Variants in SLC25A21 observed in about 807,000 individuals in gnomAD.
SLC25A21 encodes the protein solute carrier family 25 member 21, also known as mitochondrial 2-oxodicarboxylate carrier.
In SLC25A21, 47 loss-of-function variants were observed where a neutral mutation model predicts 43.8. The observed-to-expected ratio is 1.07, with a 90% CI of 0.85 to 1.37. The LOEUF (loss-of-function observed/expected upper bound fraction) is 1.37. Among genes scored for constraint, SLC25A21 ranks in the 40% most tolerant of loss-of-function variants. SLC25A21 has a pLI of 0.00. For synonymous variants in SLC25A21, 131 were observed against 121.3 expected (o/e 1.08, Z -0.52); for missense variants, 352 against 350.2 (o/e 1.00, Z -0.04).
intron 1 of SLC25A21, among the ~76,000 whole-genome samples, chr14:36,958,004 A>G (rs1277053916): frequency 1.3e-5 from 2 of 152,240 alleles, no homozygotes; most frequent in Non-Finnish European, 2.9e-5. Context: ...AACATAGGAC[A>G]TGGCTGGGTT....
intron 3 of SLC25A21, among the ~76,000 whole-genome samples, chr14:36,765,758 G>C (rs712325): frequency 0.58 from 87,875 of 151,960 alleles, 25,923 homozygotes; most frequent in East Asian, 0.89. Flanking sequence ...GATCAAAGCC[G>C]TTGAACTTTC....
intron 1 of SLC25A21, among the ~76,000 whole-genome samples, chr14:36,972,644 G>C (rs577874464): frequency 5.3e-5 from 8 of 152,268 alleles, no homozygotes; most frequent in Middle Eastern, 3.4e-3. Context: ...GGTAGTAATT[G>C]ACGAGGGAGG....
intron 3 of SLC25A21, among the ~76,000 whole-genome samples, chr14:36,761,273 T>A (rs749836634): frequency 6.4e-4 from 97 of 152,310 alleles, no homozygotes; most frequent in Non-Finnish European, 1.2e-3. Flanking sequence ...CCTTTTGCTC[T>A]CCTCTTGAGG....
chr14:36,848,064 G>C (rs117143647), intron 2 of SLC25A21, among the ~76,000 whole-genome samples: 352 of 152,178 alleles, frequency 2.3e-3, no homozygotes, highest in Admixed American at 4.7e-3. Flanking sequence ...GTGCAGTGAG[G>C]GGGAGGGAAA....
At chr14:37,095,745 G>A (rs1962676713) in intron 1 of SLC25A21, among the ~76,000 whole-genome samples, 1 of 151,494 alleles carries the variant, frequency 6.6e-6, no homozygotes, top group Admixed American at 6.6e-5. Context: ...AAAAAAGTTA[G>A]CCAAGTGAGA....
intron 1 of SLC25A21, among the ~76,000 whole-genome samples, chr14:36,885,014 C>T (rs1032376379): frequency 1.3e-5 from 2 of 152,054 alleles, no homozygotes; most frequent in South Asian, 2.1e-4. Flanking sequence ...TTGCTGCCTG[C>T]GCTTTTGGGG....
chr14:36,756,309 CAT>C (rs1885925804), intron 3 of SLC25A21, among the ~76,000 whole-genome samples: 2 of 152,292 alleles, frequency 1.3e-5, no homozygotes, highest in South Asian at 2.1e-4. Flanking sequence ...TCCTTCTGCA[CAT>C]GTGTGGCCAC....
At chr14:37,136,762 G>A (rs1594811378) in intron 1 of SLC25A21, among the ~76,000 whole-genome samples, 1 of 152,086 alleles carries the variant, frequency 6.6e-6, no homozygotes, top group Non-Finnish European at 1.5e-5. Context: ...AAAGACATGG[G>A]AAACCATAAA....
intron 1 of SLC25A21, among the ~76,000 whole-genome samples, chr14:36,986,415 C>A (rs952292438): frequency 2.6e-5 from 4 of 152,116 alleles, no homozygotes; most frequent in Non-Finnish European, 5.9e-5. Context: ...ATTGGACCTC[C>A]ACTCCACTTG....
chr14:36,909,207 C>CT (rs1891617414), intron 1 of SLC25A21, among the ~76,000 whole-genome samples: 1 of 152,126 alleles, frequency 6.6e-6, no homozygotes, highest in Non-Finnish European at 1.5e-5. Flanking sequence ...AGTAGGGACA[C>CT]TTTGAGTACG....
intron 1 of SLC25A21, among the ~76,000 whole-genome samples, chr14:37,117,465 G>A (rs1487005367): frequency 6.6e-6 from 1 of 152,162 alleles, no homozygotes; most frequent in East Asian, 1.9e-4. Context: ...GCATTTTAGA[G>A]CTGGCTCTCT....
chr14:36,974,341 A>G (rs11156929), intron 1 of SLC25A21, among the ~76,000 whole-genome samples: 16,424 of 152,066 alleles, frequency 0.11, 2,451 homozygotes, highest in African/African-American at 0.33. Flanking sequence ...CTACTCCTTC[A>G]TTTCTATTTG....
At chr14:36,715,883 G>A (rs1227843037) in intron 6 of SLC25A21, among the ~76,000 whole-genome samples, 1 of 152,174 alleles carries the variant, frequency 6.6e-6, no homozygotes. Flanking sequence ...CATGAGGTCA[G>A]GAGTGCGAGA....
chr14:36,708,073 A>T (rs1383036669), intron 7 of SLC25A21, among the ~76,000 whole-genome samples: 1 of 152,172 alleles, frequency 6.6e-6, no homozygotes, highest in South Asian at 2.1e-4. Flanking sequence ...GCTCCAGTGA[A>T]ACACTGTTTC....
intron 1 of SLC25A21, among the ~76,000 whole-genome samples, chr14:37,059,136 G>A (rs1961891323): frequency 6.6e-6 from 1 of 152,190 alleles, no homozygotes; most frequent in Non-Finnish European, 1.5e-5. Context: ...TAACACAAGT[G>A]CCTTCCACAA....
chr14:37,143,165 T>G (rs1458277592), intron 1 of SLC25A21, among the ~76,000 whole-genome samples: 1 of 152,230 alleles, frequency 6.6e-6, no homozygotes, highest in Non-Finnish European at 1.5e-5. Context: ...TTTTACATAC[T>G]GAGATTCCTT....
chr14:36,742,752 C>T (rs2144317), intron 3 of SLC25A21, among the ~76,000 whole-genome samples: 86,589 of 151,948 alleles, frequency 0.57, 26,025 homozygotes, highest in African/African-American at 0.77. Flanking sequence ...TTTTGCCTAC[C>T]CAACTCATAT....
intron 7 of SLC25A21, among the ~76,000 whole-genome samples, chr14:36,692,800 C>G (rs1180286815): frequency 6.6e-6 from 1 of 152,188 alleles, no homozygotes; most frequent in Non-Finnish European, 1.5e-5. Flanking sequence ...TTTAAGGGAA[C>G]TCAGCATTAA....
intron 3 of SLC25A21, among the ~76,000 whole-genome samples, chr14:36,779,411 TTATATA>T (rs1313524905): frequency 4.8e-5 from 7 of 144,658 alleles, no homozygotes; most frequent in African/African-American, 1.8e-4. Context: ...AAACATATTC[TTATATA>T]TATAAAGAAT....
Sources: gnomAD v4.1 joint callset for allele counts (sites outside exome capture counted in the v4.1 genomes callset) on GRCh38, gnomAD v4.1.1 for gene constraint, MANE v1.5 for transcripts, NCBI Gene and HGNC (gene_info 2026-07-23, HGNC 2026-07-21) for gene names.